The following HEATR4 variants were observed in gnomAD, a reference collection of about 807,000 sequenced individuals.
HEATR4 encodes the protein HEAT repeat containing 4.
In HEATR4, 95 loss-of-function variants were observed where a neutral mutation model predicts 108.8. That is an observed-to-expected ratio of 0.87 (90% CI 0.74 to 1.04). The LOEUF (loss-of-function observed/expected upper bound fraction) is 1.04. HEATR4 is among the 50% of genes least tolerant of loss of function. The pLI, the probability that HEATR4 is intolerant of heterozygous loss-of-function variation, is 0.00. For missense variants in HEATR4, 1,152 were observed against 1,253.8 expected, an observed-to-expected ratio of 0.92 and a Z score of 1.23; for synonymous variants, 443 against 459.4, an observed-to-expected ratio of 0.96 and a Z score of 0.46.
chr14:73,505,051 C>T (rs1316711775), intron 10 of HEATR4, among the ~76,000 whole-genome samples: 1 of 152,006 alleles, frequency 6.6e-6, no homozygotes, highest in Non-Finnish European at 1.5e-5. Context: ...CCTGCCTCAG[C>T]CTCCAAGTAG....
At chr14:73,585,546 G>T in the HEATR4 span, among the ~76,000 whole-genome samples, 34 of 151,998 alleles carry the variant, frequency 2.2e-4, no homozygotes, top group South Asian at 4.2e-4. Flanking sequence ...ATAATTAGCC[G>T]GGCTTGGTAG....
rs751652923 is a variant in HEATR4 at position 73,522,979 on chromosome 14, G to T, written c.174C>A (p.His58Gln). 1.9e-6 allele frequency: 3 copies of T among 1,614,236 alleles called. No homozygotes were observed. The highest frequency in any genetic ancestry group is 1.1e-5 in the South Asian group (1 of 91,088). Residue 58 changes from histidine to glutamine, a missense_variant, in exon 3 of 18, where the codon CAC becomes CAA. Transcript: ENST00000553558. The part of the protein sequence containing the change: ...MVFFSSQYRL[H>Q]RKSQYLKMAA... Reference sequence around the variant, plus strand: ...CCATTTTCAAATATTGGCTCTTGCGGTGTAGACGGTACTGTGAGCTGAAGA... The same window carrying T: ...CCATTTTCAAATATTGGCTCTTGCGTTGTAGACGGTACTGTGAGCTGAAGA...
Position 73,522,430 on chromosome 14 carries a change from G to T in HEATR4, c.723C>A (p.Tyr241Ter). The T allele has an allele frequency of 6.2e-7, 1 of 1,614,186 alleles. No individual in the cohort carries two copies. Among genetic ancestry groups the T allele is most frequent in the South Asian group, 1.1e-5 (1 of 91,090 alleles). ...GCTCATCCCGAATGTGACTCCAGTC[G>T]TACTGCTGGCGCAGGAAGCTCTGCC... The part of the protein sequence containing the change: ...NKWQSFLRQQ[Y>*]DWSHIRDELT... Residue 241 changes from tyrosine to a stop codon, truncating the protein, a stop_gained, in exon 3 of 18, where the codon TAC becomes TAA. Coordinates refer to ENST00000553558, the MANE Select transcript of HEATR4 (RefSeq NM_001220484.1). LOFTEE classifies it high-confidence loss of function.
At chr14:73,501,898 C>T (rs565075023) in intron 11 of HEATR4, among the ~76,000 whole-genome samples, 2 of 152,056 alleles carry the variant, frequency 1.3e-5, no homozygotes, top group South Asian at 4.1e-4. Flanking sequence ...GGACTACAGG[C>T]GCCCGCCACC....
chr14:73,545,787 T>G lies in HEATR4; in HGVS notation c.-152+12964A>C, dbSNP rs1201566337. Reference sequence around the variant, plus strand: ...AAACTTGAGTCTGCTGAAGCCCTTTTGAGACCTTAGGGACCCTATTCTCCA... The same window carrying G: ...AAACTTGAGTCTGCTGAAGCCCTTTGGAGACCTTAGGGACCCTATTCTCCA... On this transcript the variant is annotated intron_variant, in intron 1 of 17. Transcript: ENST00000553558. Among the ~76,000 whole-genome samples, 2 of 109,090 alleles carry G rather than the reference T, an allele frequency of 1.8e-5. 1 individual carries two copies. The highest frequency in any genetic ancestry group is 6.0e-5 in the African/African-American group (2 of 33,502). 71.6% of individuals were successfully genotyped at this position (109,090 alleles called of 152,430 possible).
rs1439577197 is a variant in HEATR4 at position 73,533,801 on chromosome 14, G to A, written c.-151-3557C>T. On this transcript the variant is annotated intron_variant, in intron 1 of 17. Transcript: ENST00000553558. Reference sequence around the variant, plus strand: ...AGCAGCTCATGCGTGTAATTCTAGCGCTTTGAGAGGCCAAGGCAGGATGAT... The same window carrying A: ...AGCAGCTCATGCGTGTAATTCTAGCACTTTGAGAGGCCAAGGCAGGATGAT... 4.7e-5 allele frequency among the ~76,000 whole-genome samples: 5 copies of A among 106,788 alleles called. 1 individual carries two copies. In the South Asian group the frequency reaches 9.3e-4, roughly 20 times the overall value. 70.1% of individuals were successfully genotyped at this position (106,788 alleles called of 152,430 possible). A position where few individuals can be genotyped will look rare whatever the true frequency, so the allele number is the denominator to read the frequency against.
At chr14:73,591,876 C>T in the HEATR4 span, 1 of 1,277,922 alleles carries the variant, frequency 7.8e-7, no homozygotes, top group South Asian at 2.5e-5. Flanking sequence ...GGACGCCGGA[C>T]GCCGTCCGGA....
At chr14:73,530,794 A>AT (rs59208614) in intron 1 of HEATR4, among the ~76,000 whole-genome samples, 4,361 of 57,798 alleles carry the variant, frequency 0.075, 615 homozygotes, top group African/African-American at 0.17. Flanking sequence ...TCTCGGTTAA[A>AT]TTTTTTTTTT....
chr14:73,562,733 G>A (rs1254566172), upstream of HEATR4, among the ~76,000 whole-genome samples: 1 of 151,924 alleles, frequency 6.6e-6, no homozygotes, highest in Non-Finnish European at 1.5e-5. Context: ...GATACGCCCT[G>A]GTCTCCTGCA....
At chr14:73,593,049 C>G in the HEATR4 span, among the ~76,000 whole-genome samples, 1 of 152,194 alleles carries the variant, frequency 6.6e-6, no homozygotes, top group South Asian at 2.1e-4. Context: ...CTACAGGCAT[C>G]AGCCTGACTT....
chr14:73,567,951 AC>A, the HEATR4 span: 1 of 152,058 alleles, frequency 6.6e-6, no homozygotes, highest in East Asian at 1.9e-4. Context: ...CTCCAGACAC[AC>A]TACTTTTCAG....
intron 14 of HEATR4, 35 bp from the exon 15 acceptor site, chr14:73,496,714 C>T: frequency 8.5e-7 from 1 of 1,172,544 alleles, no homozygotes; most frequent in Non-Finnish European, 1.3e-6. Flanking sequence ...GATTATTCTA[C>T]CCTGCCCTTT....
the HEATR4 span, among the ~76,000 whole-genome samples, chr14:73,613,734 A>T: frequency 1.3e-5 from 2 of 152,206 alleles, no homozygotes; most frequent in South Asian, 2.1e-4. Flanking sequence ...GCACAGGACA[A>T]CCACCAGAAC....
chr14:73,542,403 C>CT (rs57839054), intron 1 of HEATR4, among the ~76,000 whole-genome samples: 4,309 of 83,454 alleles, frequency 0.052, 1,119 homozygotes, highest in African/African-American at 0.16. Context: ...TTTTTTCTTT[C>CT]TTTTTTTTTT....
intron 5 of HEATR4, among the ~76,000 whole-genome samples, chr14:73,517,792 G>T (rs574359242): frequency 6.6e-6 from 1 of 151,502 alleles, no homozygotes; most frequent in East Asian, 2.0e-4. Context: ...AGGGAGGAAG[G>T]AGAAAAGAAA....
At chr14:73,508,375 G>A in intron 8 of HEATR4, 81 bp from the exon 9 acceptor site, 4 of 1,219,568 alleles carry the variant, frequency 3.3e-6, no homozygotes, top group Non-Finnish European at 4.7e-6. Flanking sequence ...GATACCCAAG[G>A]CTGCTACCCC....
At position 73,493,110 on chromosome 14, in the gene HEATR4, G is replaced by C; in HGVS notation, c.2800C>G (p.Pro934Ala). ...QETFQDEMVL[P>A]RRPSEVCDTE... Reference sequence around the variant, plus strand: ...TCACAAACCTCGGAAGGTCTTCTAGGAAGAACCATCTCATCTAGGTACAAA... The same window carrying C: ...TCACAAACCTCGGAAGGTCTTCTAGCAAGAACCATCTCATCTAGGTACAAA... The change falls in exon 17 of 18, where the codon CCT becomes GCT. Residue 934 changes from proline (P) to alanine (A), a missense_variant. Pro to Ala is a conservative substitution (Grantham distance 27, BLOSUM62 -1). Transcript: ENST00000553558. The C allele has an allele frequency of 1.2e-6, 2 of 1,612,418 alleles. No homozygotes were observed. The highest frequency in any genetic ancestry group is 1.7e-6 in the Non-Finnish European group (2 of 1,179,810).
chr14:73,610,201 G>T, the HEATR4 span, among the ~76,000 whole-genome samples: 1 of 151,864 alleles, frequency 6.6e-6, no homozygotes, highest in Middle Eastern at 3.4e-3. Flanking sequence ...TGATCATCCT[G>T]CTTATTATAG....
the HEATR4 span, chr14:73,592,017 C>T: frequency 7.0e-7 from 1 of 1,436,880 alleles, no homozygotes; most frequent in Non-Finnish European, 9.1e-7. Context: ...CGAGCCGGTG[C>T]GCATTGCCGT....
Sources: gnomAD v4.1 joint callset for allele counts (sites outside exome capture counted in the v4.1 genomes callset) on GRCh38, gnomAD v4.1.1 for gene constraint, MANE v1.5 for transcripts, NCBI Gene and HGNC (gene_info 2026-07-23, HGNC 2026-07-21) for gene names.